Variants in ARHGAP45 observed in about 807,000 individuals in gnomAD.
ARHGAP45 encodes rho GTPase-activating protein 45.
Under a neutral mutation model 116.1 loss-of-function variants are expected in ARHGAP45, and 56 were observed. The observed-to-expected ratio is 0.48, with a 90% CI of 0.39 to 0.60. The LOEUF is 0.60. Among genes scored for constraint, ARHGAP45 ranks in the 20% least tolerant of loss-of-function variants. The pLI is 0.00. For missense variants in ARHGAP45, 1,622 were observed against 1,601.0 expected, an observed-to-expected ratio of 1.01 and a Z score of -0.22; for synonymous variants, 866 against 701.7, an observed-to-expected ratio of 1.23 and a Z score of -3.70.
intron 2 of ARHGAP45, among the ~76,000 whole-genome samples, chr19:1,072,342 G>A (rs1325910430): frequency 1.3e-5 from 2 of 152,222 alleles, no homozygotes; most frequent in African/African-American, 4.8e-5. Flanking sequence ...TTACAGGCAT[G>A]AGGCACTGTG....
chr19:1,078,018 G>A lies in ARHGAP45; in HGVS notation c.1347G>A (p.Arg449=), dbSNP rs1164309983. The change falls in exon 11 of 23, where the codon CGG becomes CGA. Residue 449 remains arginine, a synonymous_variant. Coordinates refer to ENST00000313093, the MANE Select transcript of ARHGAP45 (RefSeq NM_012292.5). ...CCACCAAGACCCTGGACAAGCGGCG[G>A]CGGCTGGAGGAGGAGGCCAAGAACA... ...STATKTLDKR[R]RLEEEAKNKA... The A allele has an allele frequency of 1.9e-6, 3 of 1,553,304 alleles. No homozygotes were observed. The highest frequency in any genetic ancestry group is 2.6e-6 in the Non-Finnish European group (3 of 1,146,840).
At chr19:1,085,300 G>A (rs902129099) in intron 22 of ARHGAP45, among the ~76,000 whole-genome samples, 7 of 152,076 alleles carry the variant, frequency 4.6e-5, no homozygotes, top group African/African-American at 1.7e-4. Context: ...CATGAGAACA[G>A]CCCAGGAAAG....
Position 1,086,317 on chromosome 19 carries a change from T to A in ARHGAP45, c.*311T>A. ...AGGGCTGTGTGGATGGAGGAAGCTG[T>A]CCCTGCCCAGTGCATCCCCCAGGTC... On this transcript the variant is annotated 3_prime_UTR_variant, in exon 23 of 23. Coordinates refer to ENST00000313093, the MANE Select transcript of ARHGAP45 (RefSeq NM_012292.5). The A allele has an allele frequency of 3.2e-6, 1 of 309,160 alleles. No individual in the cohort carries two copies. The highest frequency in any genetic ancestry group is 6.1e-6 in the Non-Finnish European group (1 of 162,970). 19.2% of individuals were successfully genotyped at this position (309,160 alleles called of 1,614,324 possible).
intron 22 of ARHGAP45, among the ~76,000 whole-genome samples, chr19:1,084,566 C>G (rs140667601): frequency 4.6e-5 from 7 of 152,222 alleles, no homozygotes; most frequent in Admixed American, 3.9e-4. Context: ...GTGCCTACCC[C>G]GCACTCAGAA....
At chr19:1,076,233 C>T (rs2043244775) in intron 10 of ARHGAP45, among the ~76,000 whole-genome samples, 2 of 152,180 alleles carry the variant, frequency 1.3e-5, no homozygotes, top group African/African-American at 4.8e-5. Context: ...TCCCAGGCCA[C>T]AGCCCTGCTT....
Position 1,073,169 on chromosome 19 carries a change from C to G in ARHGAP45, c.442C>G (p.Pro148Ala), listed in dbSNP as rs368579074. Residue 148 changes from proline to alanine, a missense_variant, in exon 3 of 23, where the codon CCG becomes GCG. Pro to Ala is a conservative substitution (Grantham distance 27). Coordinates refer to ENST00000313093, the MANE Select transcript of ARHGAP45 (RefSeq NM_012292.5). Reference protein sequence around the residue: ...LRDDLLEARRPRAHECLGEAL... With the variant: ...LRDDLLEARRARAHECLGEAL... Reference sequence around the variant, plus strand: ...AGCAGACCTCCTTGAGGCCCGCCGCCCGCGGGCCCACGAGTGCCTGGGTGA... The same window carrying G: ...AGCAGACCTCCTTGAGGCCCGCCGCGCGCGGGCCCACGAGTGCCTGGGTGA... 2.5e-6 allele frequency: 4 copies of G among 1,609,558 alleles called. No homozygotes were observed. Among genetic ancestry groups the G allele is most frequent in the Non-Finnish European group, 3.4e-6 (4 of 1,179,966 alleles).
rs1206672543 is a variant in ARHGAP45, at chr19:1,079,711, A to C, written c.1383A>C (p.Glu461Asp). 5.0e-6 allele frequency: 8 copies of C among 1,612,486 alleles called. No homozygotes were observed. The highest frequency in any genetic ancestry group is 5.9e-6 in the Non-Finnish European group (7 of 1,179,698). Residue 461 changes from glutamate to aspartate, a missense_variant, in exon 12 of 23, where the codon GAA (glutamate) becomes GAC (aspartate). By Grantham distance (45) the Glu-to-Asp change is conservative. This residue lies in a region of ARHGAP45 where 1,334 missense variants were observed against 1,263.8 expected (regional missense o/e 1.06). Transcript: ENST00000313093. The stretch of plus-strand genomic sequence containing the variant: ...CCCCGCCCCCACCGCAGGCGGAGGA[A>C]GCTATGGCCACCTACCGCACCTGCG... The part of the protein sequence containing the change: ...LEEEAKNKAE[E>D]AMATYRTCVA...
intron 10 of ARHGAP45, among the ~76,000 whole-genome samples, chr19:1,075,253 T>TTTG (rs35298705): frequency 6.6e-6 from 1 of 150,680 alleles, no homozygotes; most frequent in Non-Finnish European, 1.5e-5. Flanking sequence ...TTTTTTTTTT[T>TTTG]GATACGGAGT....
At chr19:1,085,483 T>A (rs922313820) in intron 22 of ARHGAP45, among the ~76,000 whole-genome samples, 177 bp from the exon 23 acceptor site, 1 of 150,002 alleles carries the variant, frequency 6.7e-6, no homozygotes, top group Non-Finnish European at 1.5e-5. Flanking sequence ...TGTCTCTCCA[T>A]CTGTCTGTCC....
At chr19:1,066,449 G>A (rs1479852210), upstream of ARHGAP45, 2 of 486,958 alleles carry the variant, frequency 4.1e-6, no homozygotes, top group Non-Finnish European at 3.8e-6. Context: ...CGGGGCTGGG[G>A]ACCTTAGCTA....
At chr19:1,080,633 G>A in intron 15 of ARHGAP45, 49 bp from the exon 16 acceptor site, 3 of 1,602,560 alleles carry the variant, frequency 1.9e-6, no homozygotes, top group Non-Finnish European at 2.6e-6. Flanking sequence ...GGGTGATGGA[G>A]GGGGCCCCCC....
chr19:1,071,102 C>G lies in ARHGAP45; in HGVS notation c.422-2047C>G. ...TCAGTTTCCCTGCCCGTCCTCGACC[C>G]TCCCCACCTCGAAGCTCTGCGGTTA... On this transcript the variant is annotated intron_variant, in intron 2 of 22. Transcript: ENST00000313093. This position sits in a 1 kb window ranked among gnomAD's most constrained non-coding sequence, Gnocchi z 4.6. The G allele has an allele frequency of 9.4e-7, 1 of 1,058,948 alleles. No homozygotes were observed. Among genetic ancestry groups the G allele is most frequent in the Non-Finnish European group, 1.2e-6 (1 of 810,870 alleles). 65.6% of individuals were successfully genotyped at this position (1,058,948 alleles called of 1,614,324 possible).
chr19:1,076,122 C>T (rs1407305107), intron 10 of ARHGAP45, among the ~76,000 whole-genome samples: 1 of 152,086 alleles, frequency 6.6e-6, no homozygotes, highest in Non-Finnish European at 1.5e-5. Context: ...TTACGAACAC[C>T]ATTGCTATGA....
Position 1,081,073 on chromosome 19 carries a change from G to T in ARHGAP45, c.2190+9G>T, listed in dbSNP as rs1388089763. Reference sequence around the variant, plus strand: ...GTGCTGAGTGTGAAGAGGTGAGTGGGACGCCCCGACGGACAGCTGGGAGCC... The same window carrying T: ...GTGCTGAGTGTGAAGAGGTGAGTGGTACGCCCCGACGGACAGCTGGGAGCC... On this transcript the variant is annotated intron_variant, in intron 17 of 22. Coordinates refer to ENST00000313093, the MANE Select transcript of ARHGAP45 (RefSeq NM_012292.5). 2 of 1,593,556 alleles carry T rather than the reference G, an allele frequency of 1.3e-6. No individual in the cohort carries two copies. Among genetic ancestry groups the T allele is most frequent in the Non-Finnish European group, 8.5e-7 (1 of 1,170,912 alleles).
At chr19:1,079,163 G>A (rs1206802072) in intron 11 of ARHGAP45, among the ~76,000 whole-genome samples, 3 of 141,478 alleles carry the variant, frequency 2.1e-5, no homozygotes, top group Non-Finnish European at 3.0e-5. Flanking sequence ...CTGGGCGACA[G>A]AACGAGACTC....
intron 3 of ARHGAP45, 99 bp downstream of exon 3, chr19:1,073,391 TGACAGGCACAA>T (rs2043175845): frequency 6.3e-7 from 1 of 1,575,514 alleles, no homozygotes. Flanking sequence ...CATAGGAGTT[TGACAGGCACAA>T]GCTCCCTCCT....
rs748017566 is a variant in ARHGAP45, at chr19:1,073,756, G to T, written c.723+10G>T. On this transcript the variant is annotated intron_variant, in intron 5 of 22. Transcript: ENST00000313093. ...TGGGGACTCGAGCCAGGTGAGTGGG[G>T]TGGGCCAGGGCCACCTGTGTCCAGC... The T allele has an allele frequency of 6.3e-7, 1 of 1,578,076 alleles. No individual in the cohort carries two copies. Among genetic ancestry groups the T allele is most frequent in the Non-Finnish European group, 8.6e-7 (1 of 1,161,444 alleles).
intron 10 of ARHGAP45, among the ~76,000 whole-genome samples, chr19:1,075,801 A>G (rs1055069467): frequency 2.6e-5 from 4 of 151,802 alleles, no homozygotes; most frequent in African/African-American, 9.7e-5. Context: ...TTTTTTGTAT[A>G]CTCACTATGT....
At chr19:1,073,380 G>A in intron 3 of ARHGAP45, 88 bp downstream of exon 3, 1 of 1,582,932 alleles carries the variant, frequency 6.3e-7, no homozygotes, top group Non-Finnish European at 8.6e-7. Context: ...TTTGAAGGAT[G>A]CATAGGAGTT....
Sources: allele counts gnomAD v4.1 joint callset (sites outside exome capture counted in the v4.1 genomes callset), GRCh38; gene constraint gnomAD v4.1.1; regional missense constraint gnomAD v4.1.1; non-coding constraint Gnocchi (gnomAD v3.1); transcripts MANE v1.5; gene names NCBI Gene and HGNC (gene_info 2026-07-23, HGNC 2026-07-21).